CLIC4: variants seen among roughly 807,000 people sequenced by gnomAD.
The protein encoded by CLIC4 is CLIC family member 4.
In CLIC4, 13 loss-of-function variants were observed where a neutral mutation model predicts 24.6. The observed-to-expected ratio is 0.53, with a 90% CI of 0.34 to 0.84. CLIC4 has a LOEUF of 0.84. CLIC4 is among the 40% of genes least tolerant of loss of function. CLIC4 has a pLI of 0.01. For missense variants in CLIC4, 227 were observed against 301.7 expected (o/e 0.75, Z 1.83); for synonymous variants, 104 against 111.3 (o/e 0.93, Z 0.41).
intron 1 of CLIC4, 110 bp downstream of exon 1, chr1:24,745,735 C>T: frequency 1.2e-6 from 1 of 806,898 alleles, no homozygotes; most frequent in Non-Finnish European, 1.8e-6. Context: ...CGCCAGCACC[C>T]GTCCCGCTGC....
At chr1:24,811,052 C>T (rs1332953803) in intron 2 of CLIC4, among the ~76,000 whole-genome samples, 1 of 149,416 alleles carries the variant, frequency 6.7e-6, no homozygotes. Flanking sequence ...GCACTTCAGC[C>T]TGGGCGACAG....
At chr1:24,794,330 T>C (rs1639372576) in intron 1 of CLIC4, among the ~76,000 whole-genome samples, 1 of 150,740 alleles carries the variant, frequency 6.6e-6, no homozygotes, top group African/African-American at 2.4e-5. Context: ...TTCCCTTTTC[T>C]CTACAACTTT....
rs775302953 is a variant in CLIC4, at chr1:24,745,610, C to T, written c.57C>T (p.Ile19=). 11 of 1,574,474 alleles carry T rather than the reference C, an allele frequency of 7.0e-6. No individual in the cohort carries two copies. In the South Asian group the frequency reaches 9.4e-5, roughly 13 times the overall value. The stretch of plus-strand genomic sequence containing the variant: ...AGGAGGAGGACAAAGAGCCCCTCAT[C>T]GAGCTCTTCGTCAAGGTGAGCGCTC... ...GLKEEDKEPL[I]ELFVKAGSDG... The change falls in exon 1 of 6, where the codon ATC becomes ATT. Residue 19 remains isoleucine, a synonymous_variant. Coordinates refer to ENST00000374379, the MANE Select transcript of CLIC4 (RefSeq NM_013943.3).
chr1:24,814,383 A>AT (rs1639647776), intron 3 of CLIC4, among the ~76,000 whole-genome samples, 164 bp downstream of exon 3: 1 of 152,252 alleles, frequency 6.6e-6, no homozygotes, highest in Non-Finnish European at 1.5e-5. Context: ...GCTTCCAGCT[A>AT]GGCCAATCAG....
rs1639948993 is a variant in CLIC4, at chr1:24,842,001, C to T, written c.*1064C>T. ...TGACCTAAAGAATGCGTTATCCATC[C>T]TATATAAAAGAAAGATAAAACACAG... On this transcript the variant is annotated 3_prime_UTR_variant, in exon 6 of 6. Transcript: ENST00000374379. 1 of 152,488 alleles carries T rather than the reference C, an allele frequency of 6.6e-6. No individual in the cohort carries two copies. The highest frequency in any genetic ancestry group is 1.5e-5 in the Non-Finnish European group (1 of 67,994). The allele number at this position is 152,488 out of a possible 1,614,324, so 9.4% of individuals were successfully genotyped here.
intron 4 of CLIC4, among the ~76,000 whole-genome samples, chr1:24,835,369 C>G (rs1639876219): frequency 6.6e-6 from 1 of 152,252 alleles, no homozygotes; most frequent in African/African-American, 2.4e-5. Flanking sequence ...TCGAGACCAG[C>G]CTGACCAACA....
chr1:24,772,985 G>A (rs1639090226), intron 1 of CLIC4, among the ~76,000 whole-genome samples: 1 of 151,960 alleles, frequency 6.6e-6, no homozygotes, highest in Admixed American at 6.6e-5. Flanking sequence ...GTCATTTAGA[G>A]GTCTGAAATT....
intron 2 of CLIC4, among the ~76,000 whole-genome samples, chr1:24,809,115 T>G (rs1639586980): frequency 6.6e-6 from 1 of 152,216 alleles, no homozygotes; most frequent in African/African-American, 2.4e-5. Context: ...GCATCAGAGT[T>G]GAAAATCAAA....
intron 3 of CLIC4, among the ~76,000 whole-genome samples, chr1:24,825,040 A>C (rs1557813778): frequency 6.7e-6 from 1 of 148,586 alleles, no homozygotes; most frequent in Non-Finnish European, 1.5e-5. Flanking sequence ...ACACACACAC[A>C]AAAGTACAAA....
Position 24,840,776 on chromosome 1 carries a change from G to A in CLIC4, c.601G>A (p.Val201Met). 6.2e-7 allele frequency: 1 copy of A among 1,603,962 alleles called. No individual in the cohort carries two copies. The highest frequency in any genetic ancestry group is 8.5e-7 in the Non-Finnish European group (1 of 1,175,560). ...TTTTGATCTCTTTGTATTTCAGGTGGTGGCCAAAAAATATCGCAACTTTGA... is the reference window on the plus strand; with the variant it reads ...TTTTGATCTCTTTGTATTTCAGGTGATGGCCAAAAAATATCGCAACTTTGA... ...LLPKLHIVKVVAKKYRNFDIP... is the reference protein window; with the variant it reads ...LLPKLHIVKVMAKKYRNFDIP... Residue 201 changes from valine (V) to methionine (M), a missense_variant, in exon 6 of 6, where the codon GTG becomes ATG. Val to Met is a conservative substitution (Grantham distance 21). Coordinates refer to ENST00000374379, the MANE Select transcript of CLIC4 (RefSeq NM_013943.3).
chr1:24,782,507 TAA>T (rs556982611), intron 1 of CLIC4, among the ~76,000 whole-genome samples: 3 of 141,536 alleles, frequency 2.1e-5, no homozygotes, highest in African/African-American at 7.8e-5. Flanking sequence ...GGTGAATGAA[TAA>T]AAAAAAAAAA....
intron 1 of CLIC4, 64 bp downstream of exon 1, chr1:24,745,689 G>A: frequency 7.3e-7 from 1 of 1,369,464 alleles, no homozygotes; most frequent in Non-Finnish European, 9.9e-7. Context: ...TGCGGGGAGC[G>A]GCGTCCCGGG....
chr1:24,800,690 C>T (rs1639477559), intron 2 of CLIC4, among the ~76,000 whole-genome samples: 1 of 152,152 alleles, frequency 6.6e-6, no homozygotes, highest in Non-Finnish European at 1.5e-5. Context: ...AAGAAGTAGA[C>T]ATGGGAGACT....
Position 24,843,077 on chromosome 1 carries a change from T to A in CLIC4, c.*2140T>A, listed in dbSNP as rs1639958721. The A allele has an allele frequency of 6.6e-6, 1 of 152,184 alleles. No homozygotes were observed. The highest frequency in any genetic ancestry group is 1.5e-5 in the Non-Finnish European group (1 of 68,004). 9.4% of individuals were successfully genotyped at this position (152,184 alleles called of 1,614,324 possible). A position where few individuals can be genotyped will look rare whatever the true frequency, so the allele number is the denominator to read the frequency against. On this transcript the variant is annotated 3_prime_UTR_variant, in exon 6 of 6. Coordinates refer to ENST00000374379, the MANE Select transcript of CLIC4 (RefSeq NM_013943.3). ...TCAAATATTTTCATTTTGGATATTC[T>A]CCTGTTTTTATTAAACCAGTGATTA...
intron 1 of CLIC4, chr1:24,777,968 CAAAG>C (rs1487994347): frequency 6.6e-6 from 1 of 152,176 alleles, no homozygotes; most frequent in Non-Finnish European, 1.5e-5. Context: ...TTCATGCTGT[CAAAG>C]TAAGTACTCT....
chr1:24,777,278 G>A (rs959457792), intron 1 of CLIC4, among the ~76,000 whole-genome samples: 2 of 152,170 alleles, frequency 1.3e-5, no homozygotes, highest in African/African-American at 4.8e-5. Context: ...AGGCACGGTG[G>A]CTCACGCCTA....
intron 1 of CLIC4, among the ~76,000 whole-genome samples, chr1:24,781,087 C>CAAA (rs1228000908): frequency 1.6e-5 from 1 of 61,946 alleles, no homozygotes; most frequent in Non-Finnish European, 2.8e-5. Flanking sequence ...AACTCCATCT[C>CAAA]AAAAAAAAAA....
At chr1:24,781,690 C>T (rs1309666411) in intron 1 of CLIC4, among the ~76,000 whole-genome samples, 10 of 148,868 alleles carry the variant, frequency 6.7e-5, no homozygotes, top group Non-Finnish European at 4.5e-5. Flanking sequence ...TTTTTAAAGA[C>T]GGAGTCTCGC....
intron 1 of CLIC4, among the ~76,000 whole-genome samples, chr1:24,791,827 G>A (rs895944526): frequency 2.0e-5 from 3 of 150,728 alleles, no homozygotes; most frequent in African/African-American, 7.3e-5. Context: ...AGTGAGCCGA[G>A]ATCACACCAT....
Sources: allele counts gnomAD v4.1 joint callset (sites outside exome capture counted in the v4.1 genomes callset), GRCh38; gene constraint gnomAD v4.1.1; transcripts MANE v1.5; gene names NCBI Gene and HGNC (gene_info 2026-07-23, HGNC 2026-07-21).